Variants in EPS8 observed in about 807,000 individuals in gnomAD.
EPS8 encodes the protein EGFR pathway substrate 8, signaling adaptor, also known as epidermal growth factor receptor kinase substrate 8.
EPS8 carries 42 observed loss-of-function variants against 103.8 expected under a neutral mutation model. The ratio of observed to expected loss-of-function variants is 0.40; its 90% CI spans 0.32 to 0.52. The LOEUF is 0.52. Among genes scored for constraint, EPS8 ranks in the 20% least tolerant of loss-of-function variants. The pLI is 0.40. For synonymous variants in EPS8, 344 were observed against 344.6 expected (o/e 1.00, Z 0.02); for missense variants, 969 against 1,005.1 (o/e 0.96, Z 0.49).
intron 1 of EPS8, among the ~76,000 whole-genome samples, chr12:15,740,742 A>C (rs1040964430): frequency 6.6e-6 from 1 of 152,132 alleles, no homozygotes; most frequent in African/African-American, 2.4e-5. Context: ...CAATTAATAC[A>C]TGACTTCAGG....
chr12:15,676,891 C>T (rs895455087), intron 3 of EPS8, among the ~76,000 whole-genome samples: 1 of 152,122 alleles, frequency 6.6e-6, no homozygotes, highest in African/African-American at 2.4e-5. Context: ...AGCATATTTT[C>T]ACCATTTTCC....
chr12:15,755,572 A>G (rs1565531772), intron 1 of EPS8, among the ~76,000 whole-genome samples: 1 of 152,208 alleles, frequency 6.6e-6, no homozygotes, highest in Non-Finnish European at 1.5e-5. Flanking sequence ...AAGCAAATGT[A>G]AAGCACTAAA....
Position 15,706,123 on chromosome 12 carries a change from A to T in EPS8, c.-21-23151T>A, listed in dbSNP as rs1946383620. Among the ~76,000 whole-genome samples, 1 of 152,060 alleles carries T rather than the reference A, an allele frequency of 6.6e-6. No individual in the cohort carries two copies. Among genetic ancestry groups the T allele is most frequent in the South Asian group, 2.1e-4 (1 of 4,828 alleles). ...CTCCTCACCTAAGGTTACTCTCTCT[A>T]ATTCTGCAAACCAGTATGGTAAACA... On this transcript the variant is annotated intron_variant, in intron 1 of 20. Transcript: ENST00000281172. This position sits in a 1 kb window ranked among gnomAD's most constrained non-coding sequence, Gnocchi z 5.2.
At chr12:15,649,076 G>A (rs1024515499) in intron 14 of EPS8, among the ~76,000 whole-genome samples, 1 of 152,124 alleles carries the variant, frequency 6.6e-6, no homozygotes, top group Admixed American at 6.5e-5. Context: ...CTGCTAGAAT[G>A]TGTTTTTCAT....
chr12:15,748,803 G>A lies in EPS8; in HGVS notation c.-22+40358C>T, dbSNP rs568662138. ...TATTCACATATCCTCCTGAAAGGGC[G>A]AAAACATCCATTGCCTAGCCCCGCC... On this transcript the variant is annotated intron_variant, in intron 1 of 20. Coordinates refer to ENST00000281172, the MANE Select transcript of EPS8 (RefSeq NM_004447.6). The surrounding 1 kb of genome is among the most constrained non-coding windows in gnomAD (Gnocchi z 4.8). 2.0e-5 allele frequency among the ~76,000 whole-genome samples: 3 copies of A among 152,182 alleles called. No homozygotes were observed. The highest frequency in any genetic ancestry group is 2.1e-4 in the South Asian group (1 of 4,816).
At chr12:15,665,702 T>C in intron 8 of EPS8, 54 bp downstream of exon 8, 1 of 1,596,488 alleles carries the variant, frequency 6.3e-7, no homozygotes, top group Non-Finnish European at 8.6e-7. Flanking sequence ...AAGCAAGAAC[T>C]ATGTCCCAAC....
rs1946765360 is a variant in EPS8, at chr12:15,736,200, A to G, written c.-22+52961T>C. The stretch of plus-strand genomic sequence containing the variant: ...CTGTGCCGGGCCGAGTTTGTGTTTT[A>G]AACCAAAAACTATCCTAGTATCATG... On this transcript the variant is annotated intron_variant, in intron 1 of 20. Transcript: ENST00000281172. This position sits in a 1 kb window ranked among gnomAD's most constrained non-coding sequence, Gnocchi z 4.2. 6.6e-6 allele frequency among the ~76,000 whole-genome samples: 1 copy of G among 152,182 alleles called. No individual in the cohort carries two copies. The highest frequency in any genetic ancestry group is 1.5e-5 in the Non-Finnish European group (1 of 68,026).
intron 1 of EPS8, among the ~76,000 whole-genome samples, chr12:15,718,815 A>C (rs552758405): frequency 3.5e-5 from 2 of 57,782 alleles, no homozygotes; most frequent in South Asian, 1.9e-3. Flanking sequence ...ACAAAACGAC[A>C]GGACTACTTC....
intron 1 of EPS8, among the ~76,000 whole-genome samples, chr12:15,723,487 G>A (rs553135167): frequency 1.6e-4 from 24 of 152,044 alleles, no homozygotes; most frequent in Admixed American, 7.2e-4. Context: ...AGTCATCAGC[G>A]TGGATTTTTA....
Position 15,623,178 on chromosome 12 carries a change from C to G in EPS8, c.2335G>C (p.Val779Leu), listed in dbSNP as rs748952612. 3 of 1,607,720 alleles carry G rather than the reference C, an allele frequency of 1.9e-6. No homozygotes were observed. The Admixed American group carries it at 5.1e-5, about 27-fold the overall frequency. ...CATACCTCCAATGCAGCTTTTTGTA[C>G]AGTGATTTGGCTATAGACTCTCGCC... ...EGARVYSQIT[V>L]QKAALEDSSG... Residue 779 changes from valine to leucine, a missense_variant, in exon 20 of 21, where the codon GTA becomes CTA. By Grantham distance (32) the Val-to-Leu change is conservative (BLOSUM62 1). Transcript: ENST00000281172.
intron 8 of EPS8, 52 bp downstream of exon 8, chr12:15,665,704 T>C: frequency 1.3e-6 from 2 of 1,597,976 alleles, no homozygotes; most frequent in Non-Finnish European, 8.5e-7. Context: ...GCAAGAACTA[T>C]GTCCCAACCC....
Position 15,789,298 on chromosome 12 carries a change from A to C in EPS8, c.-159T>G, listed in dbSNP as rs1480864154. ...CGCGAGCCGCGGAGCCGCCTTCTGCACCCAGCTAAAGAGCAGCGATCTCCG... is the reference window on the plus strand; with the variant it reads ...CGCGAGCCGCGGAGCCGCCTTCTGCCCCCAGCTAAAGAGCAGCGATCTCCG... On this transcript the variant is annotated 5_prime_UTR_variant, in exon 1 of 21. Coordinates refer to ENST00000281172, the MANE Select transcript of EPS8 (RefSeq NM_004447.6). The surrounding 1 kb of genome is among the most constrained non-coding windows in gnomAD (Gnocchi z 6.1). 6.6e-6 allele frequency: 1 copy of C among 152,194 alleles called. No homozygotes were observed. The highest frequency in any genetic ancestry group is 1.5e-5 in the Non-Finnish European group (1 of 68,116). 9.4% of individuals were successfully genotyped at this position (152,194 alleles called of 1,614,324 possible).
In EPS8 at chr12:15,761,815, C is replaced by T. The variant is rs1278098331; in HGVS notation, c.-22+27346G>A. On this transcript the variant is annotated intron_variant, in intron 1 of 20. Coordinates refer to ENST00000281172, the MANE Select transcript of EPS8 (RefSeq NM_004447.6). This position sits in a 1 kb window ranked among gnomAD's most constrained non-coding sequence, Gnocchi z 4.5. ...TAGATTAAAGACTTCAATCTAAGAC[C>T]TCAAACTATGAAACTACTACAAGAA... 6.6e-6 allele frequency among the ~76,000 whole-genome samples: 1 copy of T among 152,090 alleles called. No individual in the cohort carries two copies. The highest frequency in any genetic ancestry group is 6.6e-5 in the Admixed American group (1 of 15,264).
intron 15 of EPS8, among the ~76,000 whole-genome samples, chr12:15,644,286 T>A (rs947847926): frequency 6.6e-5 from 10 of 152,222 alleles, no homozygotes; most frequent in African/African-American, 1.7e-4. Context: ...CACTTTCCTT[T>A]TTTTGTCTAT....
chr12:15,674,449 T>C (rs1196683059), intron 3 of EPS8, among the ~76,000 whole-genome samples: 2 of 152,198 alleles, frequency 1.3e-5, no homozygotes, highest in Non-Finnish European at 2.9e-5. Flanking sequence ...TAAGTATATC[T>C]ATTCCATAGG....
chr12:15,737,897 C>G (rs1946782161), intron 1 of EPS8, among the ~76,000 whole-genome samples: 1 of 152,046 alleles, frequency 6.6e-6, no homozygotes, highest in South Asian at 2.1e-4. Context: ...CTATATTCCT[C>G]AGGTGTTTTT....
rs1401164060 is a variant in EPS8, at chr12:15,728,470, G to A, written c.-21-45498C>T. Among the ~76,000 whole-genome samples, 1 of 152,136 alleles carries A rather than the reference G, an allele frequency of 6.6e-6. No homozygotes were observed. Among genetic ancestry groups the A allele is most frequent in the Non-Finnish European group, 1.5e-5 (1 of 68,024 alleles). ...AGGGTCATCTGTTCCTCACTACAAA[G>A]AACCTTAGAGAATGTTACACAAACA... On this transcript the variant is annotated intron_variant, in intron 1 of 20. Transcript: ENST00000281172. The surrounding 1 kb of genome is among the most constrained non-coding windows in gnomAD (Gnocchi z 4.5).
At chr12:15,788,557 A>G (rs1247048738) in intron 1 of EPS8, among the ~76,000 whole-genome samples, 1 of 152,260 alleles carries the variant, frequency 6.6e-6, no homozygotes, top group Non-Finnish European at 1.5e-5. Context: ...TGAACTGACC[A>G]CAACCGGAGA....
rs191212884 is a variant in EPS8 at position 15,773,078 on chromosome 12, G to T, written c.-22+16083C>A. Among the ~76,000 whole-genome samples, 7 of 152,246 alleles carry T rather than the reference G, an allele frequency of 4.6e-5. No individual in the cohort carries two copies. In the East Asian group the frequency reaches 1.4e-3, roughly 29 times the overall value. ...CCATAGACATTAAGCTTCTCTTCAA[G>T]AATCTTAGGTGGAAACAAGACAGAA... On this transcript the variant is annotated intron_variant, in intron 1 of 20. Transcript: ENST00000281172.
Sources: allele counts gnomAD v4.1 joint callset (sites outside exome capture counted in the v4.1 genomes callset), GRCh38; gene constraint gnomAD v4.1.1; non-coding constraint Gnocchi (gnomAD v3.1); transcripts MANE v1.5; gene names NCBI Gene and HGNC (gene_info 2026-07-23, HGNC 2026-07-21).